The following FAS variants were observed in gnomAD, a reference collection of about 807,000 sequenced individuals.
The protein encoded by FAS is Fas cell surface death receptor, also known as tumor necrosis factor receptor superfamily member 6.
Under a neutral mutation model 33.2 loss-of-function variants are expected in FAS, and 5 were observed. The observed-to-expected ratio is 0.15, with a 90% CI of 0.08 to 0.32. The LOEUF is 0.32. Ranked by LOEUF, FAS falls within the 10% of genes least tolerant of loss-of-function variation. The pLI, the probability that FAS is intolerant of heterozygous loss-of-function variation, is 1.00. For missense variants in FAS, 339 were observed against 386.0 expected, an observed-to-expected ratio of 0.88 and a Z score of 1.02; for synonymous variants, 131 against 130.7, an observed-to-expected ratio of 1.00 and a Z score of -0.01.
In FAS at chr10:88,990,967, T is replaced by C. The variant is rs1401905787; in HGVS notation, c.30+61T>C. 1.2e-6 allele frequency: 2 copies of C among 1,611,298 alleles called. No homozygotes were observed. Among genetic ancestry groups the C allele is most frequent in the Non-Finnish European group, 1.7e-6 (2 of 1,177,816 alleles). ...GTCTTAGTCCCGGGGATAGGCAAAG[T>C]GGGGCGGGCGCGGGACGCGTGCGGG... On this transcript the variant is annotated intron_variant, in intron 1 of 8. Coordinates refer to ENST00000652046, the MANE Select transcript of FAS (RefSeq NM_000043.6). The surrounding 1 kb of genome is among the most constrained non-coding windows in gnomAD (Gnocchi z 4.9).
At chr10:89,007,622 C>G in intron 2 of FAS, 78 bp from the exon 3 acceptor site, 4 of 1,524,792 alleles carry the variant, frequency 2.6e-6, no homozygotes, top group Non-Finnish European at 2.7e-6. Context: ...GTTTTATTGT[C>G]TGTCATCCCT....
intron 2 of FAS, among the ~76,000 whole-genome samples, chr10:88,977,509 G>A (rs2133338340): frequency 6.6e-6 from 1 of 152,016 alleles, no homozygotes; most frequent in African/African-American, 2.4e-5. Flanking sequence ...TCTGACAAAG[G>A]GCTAATATCC....
At chr10:88,977,899 G>T (rs2133339498) in intron 2 of FAS, among the ~76,000 whole-genome samples, 1 of 80,180 alleles carries the variant, frequency 1.2e-5, no homozygotes, top group Non-Finnish European at 2.5e-5. Context: ...CCATTACTGG[G>T]TATATACCCA....
At chr10:88,967,649 AAGAC>A (rs1407193481) in intron 1 of FAS, among the ~76,000 whole-genome samples, 12 of 152,186 alleles carry the variant, frequency 7.9e-5, no homozygotes, top group Non-Finnish European at 1.6e-4. Flanking sequence ...TGAACTTTCA[AAGAC>A]AGAAGATGAA....
rs752298315 is a variant in FAS at position 89,010,596 on chromosome 10, G to A, written c.501G>A (p.Glu167=). The change falls in exon 5 of 9, where the codon GAG becomes GAA. Residue 167 remains glutamate, a synonymous_variant. Transcript: ENST00000652046. ...CTLTSNTKCK[E]EGSRSNLGWL... ...TCACCAGCAACACCAAGTGCAAAGAGGAAGGTAATTATTTTTTTACGGTTA... is the reference window on the plus strand; with the variant it reads ...TCACCAGCAACACCAAGTGCAAAGAAGAAGGTAATTATTTTTTTACGGTTA... 2 of 1,613,752 alleles carry A rather than the reference G, an allele frequency of 1.2e-6. No homozygotes were observed. Among genetic ancestry groups the A allele is most frequent in the East Asian group, 2.2e-5 (1 of 44,854 alleles).
intron 2 of FAS, among the ~76,000 whole-genome samples, chr10:88,981,425 G>A (rs186902729): frequency 1.5e-4 from 23 of 151,104 alleles, no homozygotes; most frequent in African/African-American, 4.9e-4. Context: ...ATCTTCCATC[G>A]TCGTGATTTA....
In FAS at chr10:89,015,482, A is replaced by G. The variant is rs1048589509; in HGVS notation, c.*1032A>G. ...ACCTGCTACAAATGGCAGCTTATAC[A>G]TAGCAATGGTAAAATCATCATCTGG... On this transcript the variant is annotated 3_prime_UTR_variant, in exon 9 of 9. Transcript: ENST00000652046. 1 of 534,808 alleles carries G rather than the reference A, an allele frequency of 1.9e-6. No individual in the cohort carries two copies. The highest frequency in any genetic ancestry group is 1.9e-5 in the African/African-American group (1 of 53,998). 33.1% of individuals were successfully genotyped at this position (534,808 alleles called of 1,614,324 possible).
intron 1 of FAS, 148 bp from the exon 2 acceptor site, chr10:89,002,881 G>A: frequency 1.2e-6 from 1 of 825,278 alleles, no homozygotes; most frequent in Admixed American, 2.1e-5. Context: ...CTGCTTTCTT[G>A]GAGAGAGAAA....
intron 2 of FAS, chr10:88,973,554 G>A (rs1846496635): frequency 2.8e-6 from 1 of 350,924 alleles, no homozygotes; most frequent in South Asian, 1.0e-4. Context: ...GCAATGTTGT[G>A]TTTGTCACCA....
intron 2 of FAS, among the ~76,000 whole-genome samples, chr10:89,005,495 A>T (rs989198748): frequency 6.6e-6 from 1 of 152,176 alleles, no homozygotes; most frequent in African/African-American, 2.4e-5. Flanking sequence ...CATATTTCAT[A>T]TATACACATT....
upstream of FAS, among the ~76,000 whole-genome samples, chr10:88,982,907 C>T (rs1846745049): frequency 1.3e-5 from 2 of 152,140 alleles, no homozygotes; most frequent in Non-Finnish European, 2.9e-5. Context: ...TGGTCCTTAT[C>T]TGTTTGAGGT....
intron 1 of FAS, chr10:89,002,514 A>G: frequency 5.7e-6 from 1 of 174,234 alleles, no homozygotes; most frequent in Non-Finnish European, 1.2e-5. Flanking sequence ...CTGGGGTTCA[A>G]ACCACAGTTG....
At chr10:89,012,200 T>C in intron 7 of FAS, 119 bp downstream of exon 7, 1 of 893,312 alleles carries the variant, frequency 1.1e-6, no homozygotes, top group African/African-American at 1.7e-5. Flanking sequence ...TTGTTTGAGA[T>C]GGAGTCTTGC....
intron 1 of FAS, among the ~76,000 whole-genome samples, chr10:88,998,559 G>A (rs1231559821): frequency 2.0e-5 from 3 of 152,104 alleles, no homozygotes; most frequent in Admixed American, 2.0e-4. Context: ...TCCTGATACA[G>A]TCACATTCGG....
chr10:89,000,435 CTTT>C (rs1201117089), intron 1 of FAS, among the ~76,000 whole-genome samples: 1 of 152,112 alleles, frequency 6.6e-6, no homozygotes, highest in Non-Finnish European at 1.5e-5. Flanking sequence ...ACCTTTTAAA[CTTT>C]TTTATTATAC....
intron 1 of FAS, among the ~76,000 whole-genome samples, chr10:89,001,538 G>A (rs1050083485): frequency 1.7e-4 from 26 of 150,984 alleles, no homozygotes; most frequent in African/African-American, 6.3e-4. Context: ...TAGATCCGAG[G>A]GCTGACTATT....
intron 4 of FAS, 152 bp from the exon 5 acceptor site, chr10:89,010,387 C>A: frequency 1.5e-6 from 1 of 675,980 alleles, no homozygotes; most frequent in South Asian, 1.7e-5. Context: ...CTTGTGCCAG[C>A]TTTAGATACT....
chr10:89,007,556 C>T, intron 2 of FAS, 144 bp from the exon 3 acceptor site: 1 of 1,083,394 alleles, frequency 9.2e-7, no homozygotes, highest in Admixed American at 2.2e-5. Flanking sequence ...TAATCTTCTC[C>T]CCCATTGTAT....
chr10:89,014,839 A>G lies in FAS; in HGVS notation c.*389A>G, dbSNP rs9658775. 3.5e-4 allele frequency: 191 copies of G among 541,190 alleles called. No individual in the cohort carries two copies. Among genetic ancestry groups the G allele is most frequent in the African/African-American group, 2.9e-3 (160 of 54,286 alleles). The allele number at this position is 541,190 out of a possible 1,614,324, so 33.5% of individuals were successfully genotyped here. A position where few individuals can be genotyped will look rare whatever the true frequency, so the allele number is the denominator to read the frequency against. On this transcript the variant is annotated 3_prime_UTR_variant, in exon 9 of 9. Coordinates refer to ENST00000652046, the MANE Select transcript of FAS (RefSeq NM_000043.6). The stretch of plus-strand genomic sequence containing the variant: ...CTATGAATCAATAGAAGAAGCTATG[A>G]CCTTTTGCTGAAATATCAGTTACTG...
Sources: allele counts gnomAD v4.1 joint callset (sites outside exome capture counted in the v4.1 genomes callset), GRCh38; gene constraint gnomAD v4.1.1; non-coding constraint Gnocchi (gnomAD v3.1); transcripts MANE v1.5; gene names NCBI Gene and HGNC (gene_info 2026-07-23, HGNC 2026-07-21).